DLG2: variants seen among roughly 807,000 people sequenced by gnomAD.
DLG2 encodes the protein disks large homolog 2.
In DLG2, 45 loss-of-function variants were observed where a neutral mutation model predicts 132.5. That is an observed-to-expected ratio of 0.34 (90% confidence interval 0.27 to 0.44). The LOEUF (loss-of-function observed/expected upper bound fraction) is 0.44. Ranked by LOEUF, DLG2 falls within the 20% of genes least tolerant of loss-of-function variation. DLG2 has a pLI of 1.00. For synonymous variants in DLG2, 424 were observed against 419.6 expected (o/e 1.01, Z -0.13); for missense variants, 1,045 against 1,196.9 (o/e 0.87, Z 1.87).
At chr11:84,575,842 T>A (rs970665954) in intron 6 of DLG2, among the ~76,000 whole-genome samples, 2 of 152,160 alleles carry the variant, frequency 1.3e-5, no homozygotes, top group African/African-American at 4.8e-5. Context: ...TTTCTGTCAA[T>A]CCACATCTGG....
At chr11:84,646,505 T>A (rs960532045) in intron 6 of DLG2, among the ~76,000 whole-genome samples, 31 of 152,142 alleles carry the variant, frequency 2.0e-4, no homozygotes, top group Non-Finnish European at 3.7e-4. Flanking sequence ...GGGGCCAGCA[T>A]AACTTCTGCA....
At chr11:84,252,202 T>C (rs190740748) in intron 7 of DLG2, among the ~76,000 whole-genome samples, 47 of 135,596 alleles carry the variant, frequency 3.5e-4, no homozygotes, top group Non-Finnish European at 6.0e-4. Flanking sequence ...CATGCTGGAG[T>C]GTGCAGTGGT....
chr11:85,400,788 G>T (rs905490795), intron 3 of DLG2, among the ~76,000 whole-genome samples: 9 of 151,794 alleles, frequency 5.9e-5, no homozygotes, highest in South Asian at 4.2e-4. Flanking sequence ...GTTGTGGGGT[G>T]GGGGGAGAGG....
At chr11:84,198,062 G>C (rs2096545118) in intron 8 of DLG2, among the ~76,000 whole-genome samples, 1 of 152,136 alleles carries the variant, frequency 6.6e-6, no homozygotes, top group East Asian at 1.9e-4. Flanking sequence ...CTTTTTCTGG[G>C]TTTGTGTACC....
chr11:84,563,199 T>C (rs572551728), intron 6 of DLG2, among the ~76,000 whole-genome samples: 2 of 152,296 alleles, frequency 1.3e-5, no homozygotes, highest in Admixed American at 6.5e-5. Flanking sequence ...AAGAATCCAG[T>C]TGGCACCTGC....
chr11:85,345,542 C>A (rs372706851), intron 3 of DLG2, among the ~76,000 whole-genome samples: 1 of 152,082 alleles, frequency 6.6e-6, no homozygotes, highest in South Asian at 2.1e-4. Flanking sequence ...ATATCACACA[C>A]CTGGCAGAAA....
intron 6 of DLG2, among the ~76,000 whole-genome samples, chr11:84,956,050 C>T (rs984934517): frequency 1.3e-5 from 2 of 152,116 alleles, no homozygotes; most frequent in Admixed American, 1.3e-4. Context: ...CCCTGACTAC[C>T]CAGCCAGGTA....
At chr11:85,220,138 G>T (rs888666835) in intron 4 of DLG2, among the ~76,000 whole-genome samples, 2 of 152,014 alleles carry the variant, frequency 1.3e-5, no homozygotes, top group Non-Finnish European at 1.5e-5. Flanking sequence ...GTGAGCAGTG[G>T]GGGGAGACAG....
intron 6 of DLG2, among the ~76,000 whole-genome samples, chr11:84,704,825 C>A (rs1257087028): frequency 1.3e-5 from 2 of 150,314 alleles, no homozygotes; most frequent in Non-Finnish European, 3.0e-5. Flanking sequence ...AAAGTTGAAT[C>A]TACAGGTAGT....
Position 83,699,740 on chromosome 11 carries a change from TAATAATA to T in DLG2, c.1826-66422_1826-66416del, listed in dbSNP as rs201979027. Reference sequence around the variant, plus strand: ...AAACATAATAATAATTTAAAAATAATAATAATAATAATAATAATACAGAATAGTGTTT... The same window carrying T: ...AAACATAATAATAATTTAAAAATAATATAATAATAATACAGAATAGTGTTT... On this transcript the variant is annotated intron_variant, in intron 18 of 27. Coordinates refer to ENST00000376104, the MANE Select transcript of DLG2 (RefSeq NM_001142699.3). 4.9e-3 allele frequency among the ~76,000 whole-genome samples: 719 copies of T among 147,952 alleles called. 5 individuals are homozygous for T. The highest frequency in any genetic ancestry group is 0.015 in the African/African-American group (607 of 40,886).
At chr11:84,549,744 A>G (rs2154523750) in intron 6 of DLG2, among the ~76,000 whole-genome samples, 1 of 151,920 alleles carries the variant, frequency 6.6e-6, no homozygotes, top group African/African-American at 2.4e-5. Flanking sequence ...GATTCTTCCT[A>G]TTTCTCTTTT....
At chr11:85,217,508 A>G (rs1406705036) in intron 4 of DLG2, among the ~76,000 whole-genome samples, 2 of 152,184 alleles carry the variant, frequency 1.3e-5, no homozygotes, top group Non-Finnish European at 2.9e-5. Context: ...TCAATTAAAC[A>G]CCAGAGTCAA....
chr11:83,683,639 C>G (rs1456174223), intron 18 of DLG2, among the ~76,000 whole-genome samples: 1 of 152,146 alleles, frequency 6.6e-6, no homozygotes, highest in Non-Finnish European at 1.5e-5. Flanking sequence ...ACGTACATCA[C>G]AAGACTAAAT....
At chr11:83,537,758 T>TGAGTTGG (rs1214301038) in intron 20 of DLG2, among the ~76,000 whole-genome samples, 1 of 130,088 alleles carries the variant, frequency 7.7e-6, no homozygotes, top group African/African-American at 3.0e-5. Flanking sequence ...GAGGTTGCAG[T>TGAGTTGG]GAGTTGGGAT....
chr11:83,467,775 A>G (rs1472061803), intron 25 of DLG2, among the ~76,000 whole-genome samples: 63 of 38,228 alleles, frequency 1.6e-3, no homozygotes, highest in East Asian at 0.014. Flanking sequence ...CTATATGTAT[A>G]TATATATATA....
At chr11:84,233,519 G>T (rs1387125260) in intron 8 of DLG2, among the ~76,000 whole-genome samples, 3 of 152,144 alleles carry the variant, frequency 2.0e-5, no homozygotes, top group African/African-American at 7.2e-5. Context: ...CCCTTTCTTT[G>T]CTACCACATG....
chr11:83,795,002 A>G (rs973422564), intron 17 of DLG2, among the ~76,000 whole-genome samples: 2 of 152,202 alleles, frequency 1.3e-5, no homozygotes, highest in Non-Finnish European at 2.9e-5. Flanking sequence ...ATTATGGCCC[A>G]ACTTATAATG....
intron 18 of DLG2, among the ~76,000 whole-genome samples, chr11:83,653,219 C>G (rs534900802): frequency 6.6e-6 from 1 of 152,320 alleles, no homozygotes; most frequent in South Asian, 2.1e-4. Flanking sequence ...TGCATCATAT[C>G]TAAATGTAAC....
At chr11:84,008,967 T>C (rs531166277) in intron 11 of DLG2, among the ~76,000 whole-genome samples, 29 of 151,456 alleles carry the variant, frequency 1.9e-4, no homozygotes, top group African/African-American at 6.0e-4. Context: ...AGAGTGGGAA[T>C]CAAGCATGTA....
Sources: allele counts gnomAD v4.1 joint callset (sites outside exome capture counted in the v4.1 genomes callset), GRCh38; gene constraint gnomAD v4.1.1; transcripts MANE v1.5; gene names NCBI Gene and HGNC (gene_info 2026-07-23, HGNC 2026-07-21).